Variants in PRKN observed in about 807,000 individuals in gnomAD.
PRKN encodes the protein E3 ubiquitin-protein ligase parkin.
In PRKN, 56 loss-of-function variants were observed where a neutral mutation model predicts 59.5. The ratio of observed to expected loss-of-function variants is 0.94; its 90% CI spans 0.76 to 1.18. PRKN has a LOEUF of 1.18. Among genes scored for constraint, PRKN ranks in the 50% most tolerant of loss-of-function variants. PRKN has a pLI of 0.00. For synonymous variants in PRKN, 250 were observed against 222.1 expected (o/e 1.13, Z -1.12); for missense variants, 657 against 596.4 (o/e 1.10, Z -1.06).
At chr6:162,228,598 T>G (rs139709532) in intron 3 of PRKN, among the ~76,000 whole-genome samples, 329 of 152,314 alleles carry the variant, frequency 2.2e-3, no homozygotes, top group African/African-American at 7.7e-3. Context: ...GAAAGATCGT[T>G]AAATGGTTTG....
intron 5 of PRKN, among the ~76,000 whole-genome samples, chr6:162,050,692 C>A (rs1777598390): frequency 6.6e-6 from 1 of 152,106 alleles, no homozygotes; most frequent in Admixed American, 6.5e-5. Flanking sequence ...GGGACCATGA[C>A]CTTTGAGGAC....
At chr6:161,925,486 G>A (rs1420608383) in intron 6 of PRKN, among the ~76,000 whole-genome samples, 1 of 152,124 alleles carries the variant, frequency 6.6e-6, no homozygotes, top group Non-Finnish European at 1.5e-5. Flanking sequence ...TAAGAGAATC[G>A]CTTGAGCCCG....
rs901612227 is a variant in PRKN at position 162,453,859 on chromosome 6, C to T, written c.8-10386G>A. ...TGGAGGTTGCAGTGAACTGAGATCG[C>T]GCCATGGCACTCCAGCCTGGGCGAC... On this transcript the variant is annotated intron_variant, in intron 1 of 11. Coordinates refer to ENST00000366898, the MANE Select transcript of PRKN (RefSeq NM_004562.3). 2.0e-5 allele frequency among the ~76,000 whole-genome samples: 3 copies of T among 151,968 alleles called. 1 individual carries two copies. The highest frequency in any genetic ancestry group is 7.2e-5 in the African/African-American group (3 of 41,382).
intron 7 of PRKN, among the ~76,000 whole-genome samples, chr6:161,693,297 T>C (rs1271811341): frequency 6.6e-6 from 1 of 152,180 alleles, no homozygotes; most frequent in Non-Finnish European, 1.5e-5. Context: ...AAATAAATCA[T>C]GGTGTATTTT....
chr6:162,557,247 C>A (rs1779645071), intron 1 of PRKN, among the ~76,000 whole-genome samples: 1 of 152,146 alleles, frequency 6.6e-6, no homozygotes, highest in Non-Finnish European at 1.5e-5. Context: ...TCTGGCTGGG[C>A]CAGCTGTTAT....
At chr6:162,086,539 T>C (rs1779254307) in intron 4 of PRKN, among the ~76,000 whole-genome samples, 1 of 152,202 alleles carries the variant, frequency 6.6e-6, no homozygotes, top group Non-Finnish European at 1.5e-5. Context: ...TGTGTTAAGA[T>C]GTTTTTCTGT....
At chr6:162,361,843 C>G (rs369725177) in intron 2 of PRKN, among the ~76,000 whole-genome samples, 1 of 152,066 alleles carries the variant, frequency 6.6e-6, no homozygotes, top group Non-Finnish European at 1.5e-5. Context: ...AGCCTGATAT[C>G]AAAGCAAACC....
chr6:161,616,433 T>A (rs1782697844), intron 7 of PRKN, among the ~76,000 whole-genome samples: 1 of 151,878 alleles, frequency 6.6e-6, no homozygotes, highest in Admixed American at 6.6e-5. Flanking sequence ...TAATTATACT[T>A]TAAGTGCTGG....
At chr6:161,634,942 G>A (rs181908595) in intron 7 of PRKN, among the ~76,000 whole-genome samples, 19 of 152,286 alleles carry the variant, frequency 1.2e-4, no homozygotes, top group Admixed American at 4.6e-4. Context: ...TGTGGGCTTC[G>A]CATAGCATCC....
intron 6 of PRKN, among the ~76,000 whole-genome samples, chr6:161,807,978 G>A (rs1791405897): frequency 6.6e-6 from 1 of 152,168 alleles, no homozygotes; most frequent in East Asian, 1.9e-4. Flanking sequence ...TAATTGTGCT[G>A]AAGTGATATG....
In PRKN at chr6:161,554,164, A is replaced by G. The variant is rs1180977048; in HGVS notation, c.934-5161T>C. On this transcript the variant is annotated intron_variant, in intron 8 of 11. Coordinates refer to ENST00000366898, the MANE Select transcript of PRKN (RefSeq NM_004562.3). The surrounding 1 kb of genome is among the most constrained non-coding windows in gnomAD (Gnocchi z 4.5). ...ACACTGGTTCTCAAGAACACAGAAG[A>G]TGACATAATTACAATATTCCATAAT... Among the ~76,000 whole-genome samples, 1 of 152,204 alleles carries G rather than the reference A, an allele frequency of 6.6e-6. No homozygotes were observed. Among genetic ancestry groups the G allele is most frequent in the Non-Finnish European group, 1.5e-5 (1 of 68,050 alleles).
intron 6 of PRKN, among the ~76,000 whole-genome samples, chr6:161,919,728 G>A (rs1436235654): frequency 6.6e-6 from 1 of 152,210 alleles, no homozygotes; most frequent in Admixed American, 6.5e-5. Flanking sequence ...ATGCCACAGA[G>A]CAAATGCTCA....
chr6:161,700,855 T>G (rs1786222974), intron 7 of PRKN, among the ~76,000 whole-genome samples: 1 of 152,196 alleles, frequency 6.6e-6, no homozygotes, highest in Admixed American at 6.5e-5. Context: ...AATGAAGATC[T>G]GATCCAATTT....
intron 3 of PRKN, among the ~76,000 whole-genome samples, chr6:162,249,383 T>C (rs1213609100): frequency 6.6e-6 from 1 of 152,192 alleles, no homozygotes; most frequent in Non-Finnish European, 1.5e-5. Flanking sequence ...GAATTATATA[T>C]GAGAATAAAT....
chr6:162,474,098 T>C (rs1012638835), intron 1 of PRKN, among the ~76,000 whole-genome samples: 1 of 152,186 alleles, frequency 6.6e-6, no homozygotes, highest in Admixed American at 6.5e-5. Flanking sequence ...TTGCCACTTA[T>C]ATGAAGCTGG....
chr6:161,364,353 G>A (rs1368902545), intron 10 of PRKN, among the ~76,000 whole-genome samples: 1 of 150,916 alleles, frequency 6.6e-6, no homozygotes, highest in Non-Finnish European at 1.5e-5. Context: ...CAGCTACTCA[G>A]GAGGCTGAGG....
At chr6:162,122,842 C>A (rs1422116952) in intron 4 of PRKN, among the ~76,000 whole-genome samples, 1 of 152,032 alleles carries the variant, frequency 6.6e-6, no homozygotes, top group South Asian at 2.1e-4. Context: ...AGAAAACACA[C>A]CTGCAGAATC....
intron 5 of PRKN, among the ~76,000 whole-genome samples, chr6:162,010,668 A>ATATT (rs1782540395): frequency 3.7e-4 from 1 of 2,672 alleles, no homozygotes; most frequent in Non-Finnish European, 4.4e-4. Context: ...TATTATATAT[A>ATATT]ATATACTATA....
intron 1 of PRKN, among the ~76,000 whole-genome samples, chr6:162,615,391 G>C (rs1248978282): frequency 6.6e-6 from 1 of 152,046 alleles, no homozygotes; most frequent in South Asian, 2.1e-4. Context: ...CAGTATACCT[G>C]CTATGTAGTT....
Sources: allele counts gnomAD v4.1 joint callset (sites outside exome capture counted in the v4.1 genomes callset), GRCh38; gene constraint gnomAD v4.1.1; non-coding constraint Gnocchi (gnomAD v3.1); transcripts MANE v1.5; gene names NCBI Gene and HGNC (gene_info 2026-07-23, HGNC 2026-07-21).